The following GNPAT variants were observed in gnomAD, a reference collection of about 807,000 sequenced individuals.
The protein encoded by GNPAT is dihydroxyacetone phosphate acyltransferase.
In GNPAT, 30 loss-of-function variants were observed where a neutral mutation model predicts 78.4. That is an observed-to-expected ratio of 0.38 (90% CI 0.29 to 0.52). The LOEUF (loss-of-function observed/expected upper bound fraction) is 0.52, where lower values mean the gene tolerates loss of function less well. Ranked by LOEUF, GNPAT falls within the 20% of genes least tolerant of loss-of-function variation. The pLI, the probability that GNPAT is intolerant of heterozygous loss-of-function variation, is 0.84. For synonymous variants in GNPAT, 271 were observed against 281.1 expected (o/e 0.96, Z 0.36); for missense variants, 714 against 812.2 (o/e 0.88, Z 1.47).
chr1:231,265,805 A>C lies in GNPAT; in HGVS notation c.772+18A>C. ...TAAATTTGGTAGGTCACTACAGATTAAAAGGAAAAATACAAACCCAAAGAC... is the reference window on the plus strand; with the variant it reads ...TAAATTTGGTAGGTCACTACAGATTCAAAGGAAAAATACAAACCCAAAGAC... On this transcript the variant is annotated intron_variant, in intron 6 of 15. Coordinates refer to ENST00000366647, the MANE Select transcript of GNPAT (RefSeq NM_014236.4). 1 of 1,478,700 alleles carries C rather than the reference A, an allele frequency of 6.8e-7. No homozygotes were observed. Among genetic ancestry groups the C allele is most frequent in the South Asian group, 1.1e-5 (1 of 88,398 alleles). The allele number at this position is 1,478,700 out of a possible 1,614,324, so 91.6% of individuals were successfully genotyped here. A position where few individuals can be genotyped will look rare whatever the true frequency, so the allele number is the denominator to read the frequency against.
chr1:231,263,054 C>A (rs1685268575), intron 4 of GNPAT, among the ~76,000 whole-genome samples: 1 of 152,178 alleles, frequency 6.6e-6, no homozygotes, highest in Non-Finnish European at 1.5e-5. Context: ...TTCATGCACA[C>A]AGGGTTCTTT....
chr1:231,245,822 A>G (rs1468977458), intron 1 of GNPAT, among the ~76,000 whole-genome samples: 1 of 152,116 alleles, frequency 6.6e-6, no homozygotes, highest in Non-Finnish European at 1.5e-5. Context: ...ACACAAAATT[A>G]GCTGGGCATG....
At chr1:231,246,808 G>A (rs2102797428) in intron 1 of GNPAT, among the ~76,000 whole-genome samples, 1 of 152,318 alleles carries the variant, frequency 6.6e-6, no homozygotes, top group Non-Finnish European at 1.5e-5. Flanking sequence ...CTCTACAGGT[G>A]GAACCTGGAT....
intron 2 of GNPAT, among the ~76,000 whole-genome samples, chr1:231,258,515 ACTT>A (rs1353846821): frequency 2.0e-5 from 3 of 150,434 alleles, no homozygotes; most frequent in Non-Finnish European, 2.9e-5. Flanking sequence ...CTCTCAGGGG[ACTT>A]CTTCTATTTG....
chr1:231,276,243 A>G (rs1303712885), intron 15 of GNPAT, 47 bp downstream of exon 15: 1 of 913,666 alleles, frequency 1.1e-6, no homozygotes, highest in Non-Finnish European at 1.8e-6. Flanking sequence ...TTGTTGATGA[A>G]TTAAAATAAG....
At chr1:231,265,628 G>C in intron 5 of GNPAT, 84 bp from the exon 6 acceptor site, 1 of 949,002 alleles carries the variant, frequency 1.1e-6, no homozygotes, top group East Asian at 2.4e-5. Flanking sequence ...TTGGGAGGGA[G>C]CTTGGGAAAA....
At position 231,265,275 on chromosome 1, in the gene GNPAT, T is replaced by C; in HGVS notation, c.569-18T>C. ...AGATTTCAAGATCTGCAAATAAATA[T>C]TATCCCCTCTTTTTTAGACTTCCTG... On this transcript the variant is annotated intron_variant, in intron 4 of 15. Coordinates refer to ENST00000366647, the MANE Select transcript of GNPAT (RefSeq NM_014236.4). 6 of 1,581,270 alleles carry C rather than the reference T, an allele frequency of 3.8e-6. No individual in the cohort carries two copies. The highest frequency in any genetic ancestry group is 5.2e-6 in the Non-Finnish European group (6 of 1,149,960).
intron 9 of GNPAT, 83 bp from the exon 10 acceptor site, chr1:231,270,675 A>T: frequency 7.7e-7 from 1 of 1,306,178 alleles, no homozygotes; most frequent in Non-Finnish European, 1.1e-6. Flanking sequence ...CTGTCACGTT[A>T]CCATTAATAA....
chr1:231,245,021 A>G (rs1157297438), intron 1 of GNPAT, among the ~76,000 whole-genome samples: 1 of 152,142 alleles, frequency 6.6e-6, no homozygotes, highest in Admixed American at 6.5e-5. Flanking sequence ...AGACAGTAAA[A>G]TGCTCTTCCC....
At position 231,277,903 on chromosome 1, in the gene GNPAT, TAAA is replaced by T. The variant is rs1040184161; in HGVS notation, c.*363_*365del. On this transcript the variant is annotated 3_prime_UTR_variant, in exon 16 of 16. Coordinates refer to ENST00000366647, the MANE Select transcript of GNPAT (RefSeq NM_014236.4). ...TGACAACACTGAAAGCTCTGGATATTAAAAGAAAATGAAAAGGGCATATCTACG... is the reference window on the plus strand; with the variant it reads ...TGACAACACTGAAAGCTCTGGATATTAGAAAATGAAAAGGGCATATCTACG... 1.7e-5 allele frequency: 3 copies of T among 178,634 alleles called. No homozygotes were observed. The highest frequency in any genetic ancestry group is 7.1e-5 in the African/African-American group (3 of 42,326). 11.1% of individuals were successfully genotyped at this position (178,634 alleles called of 1,614,324 possible).
Position 231,265,794 on chromosome 1 carries a change from C to A in GNPAT, c.772+7C>A. 6.5e-7 allele frequency: 1 copy of A among 1,546,348 alleles called. No homozygotes were observed. Among genetic ancestry groups the A allele is most frequent in the South Asian group, 1.1e-5 (1 of 89,718 alleles). Reference sequence around the variant, plus strand: ...ACATTGACTCCTAAATTTGGTAGGTCACTACAGATTAAAAGGAAAAATACA... The same window carrying A: ...ACATTGACTCCTAAATTTGGTAGGTAACTACAGATTAAAAGGAAAAATACA... On this transcript the variant is annotated splice_region_variant and intron_variant, in intron 6 of 15. Transcript: ENST00000366647.
intron 10 of GNPAT, among the ~76,000 whole-genome samples, chr1:231,271,700 T>C (rs1279206412): frequency 6.6e-6 from 1 of 152,164 alleles, no homozygotes; most frequent in Non-Finnish European, 1.5e-5. Flanking sequence ...TACCTTTCCT[T>C]CCCTACTAGG....
intron 1 of GNPAT, among the ~76,000 whole-genome samples, chr1:231,249,412 A>G (rs912712852): frequency 4.6e-5 from 7 of 152,224 alleles, no homozygotes; most frequent in Non-Finnish European, 1.0e-4. Flanking sequence ...TTGTGGTCTC[A>G]GTTAACATTC....
At chr1:231,257,282 C>T (rs1685092684) in intron 2 of GNPAT, among the ~76,000 whole-genome samples, 1 of 152,146 alleles carries the variant, frequency 6.6e-6, no homozygotes, top group South Asian at 2.1e-4. Flanking sequence ...GGAAAGTCCT[C>T]CCTTGGCCAT....
intron 2 of GNPAT, among the ~76,000 whole-genome samples, chr1:231,260,118 TGTA>T (rs1319821017): frequency 6.6e-6 from 1 of 152,218 alleles, no homozygotes; most frequent in Non-Finnish European, 1.5e-5. Context: ...TATATTACCT[TGTA>T]ATAGCATTGA....
intron 8 of GNPAT, 32 bp from the exon 9 acceptor site, chr1:231,267,648 T>C: frequency 8.5e-7 from 1 of 1,180,300 alleles, no homozygotes; most frequent in South Asian, 1.2e-5. Context: ...GTAACAGAAC[T>C]GTAATTTGTT....
At chr1:231,260,721 T>G in intron 3 of GNPAT, 38 bp downstream of exon 3, 1 of 1,335,168 alleles carries the variant, frequency 7.5e-7, no homozygotes, top group Non-Finnish European at 1.1e-6. Flanking sequence ...GAAATAAAAG[T>G]CTCATCTTAA....
At chr1:231,266,226 T>A in intron 7 of GNPAT, 51 bp from the exon 8 acceptor site, 1 of 1,613,704 alleles carries the variant, frequency 6.2e-7, no homozygotes, top group African/African-American at 1.3e-5. Flanking sequence ...TCAACTAATT[T>A]CTAAATTTAC....
At chr1:231,258,295 C>A (rs981218846) in intron 2 of GNPAT, 2 of 152,246 alleles carry the variant, frequency 1.3e-5, no homozygotes, top group Admixed American at 1.3e-4. Context: ...TGTCTGGCTG[C>A]TCCTGGGAGA....
Sources: allele counts gnomAD v4.1 joint callset (sites outside exome capture counted in the v4.1 genomes callset), GRCh38; gene constraint gnomAD v4.1.1; transcripts MANE v1.5; gene names NCBI Gene and HGNC (gene_info 2026-07-23, HGNC 2026-07-21).